The following CACNA1B variants were observed in gnomAD, a reference collection of about 807,000 sequenced individuals.
The protein encoded by CACNA1B is voltage-dependent N-type calcium channel subunit alpha-1B.
A neutral mutation model predicts 247.2 loss-of-function variants in CACNA1B; 70 were observed. That is an observed-to-expected ratio of 0.28 (90% CI 0.23 to 0.35). The LOEUF (loss-of-function observed/expected upper bound fraction) is 0.35, where lower values mean the gene tolerates loss of function less well. Ranked by LOEUF, CACNA1B falls within the 10% of genes least tolerant of loss-of-function variation. The pLI is 1.00. For missense variants in CACNA1B, 2,367 were observed against 3,197.4 expected (o/e 0.74, Z 6.26); for synonymous variants, 1,231 against 1,294.4 (o/e 0.95, Z 1.05).
At chr9:137,915,359 A>G (rs1267091351) in intron 5 of CACNA1B, among the ~76,000 whole-genome samples, 1 of 152,198 alleles carries the variant, frequency 6.6e-6, no homozygotes, top group Non-Finnish European at 1.5e-5. Context: ...AATCCAGCAG[A>G]GGTGATGGTG....
intron 36 of CACNA1B, among the ~76,000 whole-genome samples, chr9:138,085,743 G>A (rs1960673017): frequency 6.6e-6 from 1 of 151,294 alleles, no homozygotes; most frequent in Non-Finnish European, 1.5e-5. Flanking sequence ...TATATTCAGA[G>A]TGGTAAAAGG....
intron 6 of CACNA1B, among the ~76,000 whole-genome samples, chr9:137,946,062 C>T (rs757591941): frequency 1.2e-4 from 19 of 152,148 alleles, no homozygotes; most frequent in Non-Finnish European, 2.6e-4. Context: ...CCTCGTGATC[C>T]ACCTGCCTTG....
rs1957385222 is a variant in CACNA1B, at chr9:137,914,034, G to A, written c.623-620G>A. Among the ~76,000 whole-genome samples the A allele has an allele frequency of 6.6e-6, 1 of 152,148 alleles. No individual in the cohort carries two copies. The highest frequency in any genetic ancestry group is 6.5e-5 in the Admixed American group (1 of 15,282). On this transcript the variant is annotated intron_variant, in intron 4 of 46. Coordinates refer to ENST00000371372, the MANE Select transcript of CACNA1B (RefSeq NM_000718.4). The surrounding 1 kb of genome is among the most constrained non-coding windows in gnomAD (Gnocchi z 4.3). ...GTTCCTCACATGCTGTATGGCCAGT[G>A]GCAGAACATTCCCAGGGGCAGGTCT...
chr9:138,075,092 A>G (rs1274301750), intron 34 of CACNA1B, among the ~76,000 whole-genome samples: 5 of 152,264 alleles, frequency 3.3e-5, no homozygotes, highest in Admixed American at 1.3e-4. Context: ...CAGGGACGGA[A>G]GAGGGACCCG....
rs913841891 is a variant in CACNA1B, at chr9:137,882,271, C to G, written c.391-473C>G. Reference sequence around the variant, plus strand: ...CTGGCTCCTGGGCATCTCTGTGCCTCTGTCTCCCACATGTTAGAATGGGGA... The same window carrying G: ...CTGGCTCCTGGGCATCTCTGTGCCTGTGTCTCCCACATGTTAGAATGGGGA... On this transcript the variant is annotated intron_variant, in intron 2 of 46. Transcript: ENST00000371372. The surrounding 1 kb of genome is among the most constrained non-coding windows in gnomAD (Gnocchi z 4.0). Among the ~76,000 whole-genome samples the G allele has an allele frequency of 5.3e-5, 8 of 152,334 alleles. 1 individual carries two copies. In the South Asian group the frequency reaches 1.2e-3, roughly 24 times the overall value.
In CACNA1B at chr9:137,891,975, A is replaced by G. The variant is rs1564876561; in HGVS notation, c.530+9092A>G. The G allele has an allele frequency of 4.5e-6, 2 of 448,948 alleles. No individual in the cohort carries two copies. Among genetic ancestry groups the G allele is most frequent in the Middle Eastern group, 3.3e-4 (1 of 3,022 alleles). The allele number at this position is 448,948 out of a possible 1,614,324, so 27.8% of individuals were successfully genotyped here. A position where few individuals can be genotyped will look rare whatever the true frequency, so the allele number is the denominator to read the frequency against. ...CACCCTCCCTGTCTCCCCTGAGAGCACAGGAGCCTGGTGAAAAGGGCCTTG... is the reference window on the plus strand; with the variant it reads ...CACCCTCCCTGTCTCCCCTGAGAGCGCAGGAGCCTGGTGAAAAGGGCCTTG... On this transcript the variant is annotated intron_variant, in intron 3 of 46. Transcript: ENST00000371372. The surrounding 1 kb of genome is among the most constrained non-coding windows in gnomAD (Gnocchi z 4.3).
chr9:137,955,161 G>A lies in CACNA1B; in HGVS notation c.1071-537G>A, dbSNP rs1957932418. On this transcript the variant is annotated intron_variant, in intron 7 of 46. Coordinates refer to ENST00000371372, the MANE Select transcript of CACNA1B (RefSeq NM_000718.4). This position sits in a 1 kb window ranked among gnomAD's most constrained non-coding sequence, Gnocchi z 6.9. ...GTGGACTCTGCGGTATTACCCTTCT[G>A]CCTCTGGCCTGCCCTGACCCAGTCC... 6.6e-6 allele frequency among the ~76,000 whole-genome samples: 1 copy of A among 152,110 alleles called. No individual in the cohort carries two copies. The highest frequency in any genetic ancestry group is 2.4e-5 in the African/African-American group (1 of 41,414).
chr9:138,078,226 T>G lies in CACNA1B; in HGVS notation c.5062T>G (p.Phe1688Val). 1 of 1,614,006 alleles carries G rather than the reference T, an allele frequency of 6.2e-7. No individual in the cohort carries two copies. Among genetic ancestry groups the G allele is most frequent in the Non-Finnish European group, 8.5e-7 (1 of 1,179,862 alleles). Reference protein sequence around the residue: ...ECGSDFAYFYFVSFIFLCSFL... With the variant: ...ECGSDFAYFYVVSFIFLCSFL... ...TGGAAGTGACTTTGCCTACTTCTAC[T>G]TCGTCTCCTTCATCTTCCTGTGCTC... is the stretch of plus-strand genomic sequence containing the variant. Residue 1688 changes from phenylalanine (F) to valine (V), a missense_variant, in exon 36 of 47, where the codon TTC becomes GTC. Phe to Val is a conservative substitution (Grantham distance 50, BLOSUM62 -1). This residue lies in a region of CACNA1B where 436 missense variants were observed against 679.5 expected (regional missense o/e 0.64). Transcript: ENST00000371372.
At chr9:137,960,703 A>G (rs1958011381) in intron 10 of CACNA1B, among the ~76,000 whole-genome samples, 1 of 151,980 alleles carries the variant, frequency 6.6e-6, no homozygotes, top group African/African-American at 2.4e-5. Flanking sequence ...GGCTGTCGGT[A>G]GCGGTCGAGG....
chr9:137,949,282 GTT>G, intron 6 of CACNA1B, among the ~76,000 whole-genome samples: 4 of 5,712 alleles, frequency 7.0e-4, no homozygotes, highest in East Asian at 3.9e-3. Context: ...TGGTGTGTGT[GTT>G]TGCGTGTCCT....
chr9:138,010,726 ATG>A lies in CACNA1B; in HGVS notation c.2160+653_2160+654del, dbSNP rs1035109516. Among the ~76,000 whole-genome samples, 8 of 152,048 alleles carry A rather than the reference ATG, an allele frequency of 5.3e-5. No homozygotes were observed. Among genetic ancestry groups the A allele is most frequent in the Non-Finnish European group, 1.2e-4 (8 of 68,006 alleles). ...AGTGTGTACCTGTGTGTCACCATGTATGTGTCACTGTGTGCCCTCTTCTGCCT... is the reference window on the plus strand; with the variant it reads ...AGTGTGTACCTGTGTGTCACCATGTATGTCACTGTGTGCCCTCTTCTGCCT... On this transcript the variant is annotated intron_variant, in intron 17 of 46. Coordinates refer to ENST00000371372, the MANE Select transcript of CACNA1B (RefSeq NM_000718.4). The surrounding 1 kb of genome is among the most constrained non-coding windows in gnomAD (Gnocchi z 5.3).
chr9:138,061,057 G>A (rs1462450653), intron 31 of CACNA1B, among the ~76,000 whole-genome samples: 1 of 152,218 alleles, frequency 6.6e-6, no homozygotes, highest in African/African-American at 2.4e-5. Flanking sequence ...CCTGGCTGCC[G>A]TGGTAATCCA....
chr9:138,071,466 A>C (rs924735467), intron 32 of CACNA1B, among the ~76,000 whole-genome samples: 1 of 152,160 alleles, frequency 6.6e-6, no homozygotes, highest in Admixed American at 6.5e-5. Context: ...TCCTGCATGC[A>C]GCTGGCATGG....
chr9:137,934,096 G>A (rs1226865715), intron 6 of CACNA1B, among the ~76,000 whole-genome samples: 2 of 152,168 alleles, frequency 1.3e-5, no homozygotes, highest in Middle Eastern at 3.2e-3. Context: ...CTTACGATAA[G>A]TATGCAACAA....
At chr9:138,006,929 C>T (rs1233509610) in intron 16 of CACNA1B, 45 bp downstream of exon 16, 10 of 1,014,858 alleles carry the variant, frequency 9.9e-6, no homozygotes, top group African/African-American at 1.6e-5. Flanking sequence ...AGTGCTTGGC[C>T]CTCCTCTTCT....
At chr9:138,042,594 T>C (rs978968861) in intron 20 of CACNA1B, among the ~76,000 whole-genome samples, 10 of 152,222 alleles carry the variant, frequency 6.6e-5, no homozygotes, top group African/African-American at 2.4e-4. Context: ...CCAGATTGCT[T>C]TCTCAGATTA....
intron 6 of CACNA1B, among the ~76,000 whole-genome samples, chr9:137,926,923 T>C (rs1022565937): frequency 6.6e-6 from 1 of 152,222 alleles, no homozygotes; most frequent in Non-Finnish European, 1.5e-5. Context: ...ATTCTCTGTA[T>C]ATTCTGAGTA....
chr9:138,052,416 G>A lies in CACNA1B; in HGVS notation c.3807+228G>A, dbSNP rs192767270. Among the ~76,000 whole-genome samples the A allele has an allele frequency of 1.9e-3, 290 of 152,234 alleles. 1 individual carries two copies. The highest frequency in any genetic ancestry group is 5.6e-3 in the African/African-American group (231 of 41,540). ...CCTCCTTAGCCCAGCAGGACCAGGC[G>A]GCACAGGGTTTTTCTTCAGCAGCTG... On this transcript the variant is annotated intron_variant, in intron 25 of 46. Transcript: ENST00000371372. The surrounding 1 kb of genome is among the most constrained non-coding windows in gnomAD (Gnocchi z 5.1).
In CACNA1B at chr9:137,888,126, G is replaced by A. The variant is rs1207326752; in HGVS notation, c.530+5243G>A. ...ACGGTAGGGAAGGAGAGTGGGAGCC[G>A]GAAGCAGTGATCCAGGTGGGAGTGG... On this transcript the variant is annotated intron_variant, in intron 3 of 46. Coordinates refer to ENST00000371372, the MANE Select transcript of CACNA1B (RefSeq NM_000718.4). The surrounding 1 kb of genome is among the most constrained non-coding windows in gnomAD (Gnocchi z 4.7). 7.2e-5 allele frequency among the ~76,000 whole-genome samples: 11 copies of A among 151,944 alleles called. No homozygotes were observed. The highest frequency in any genetic ancestry group is 9.7e-5 in the African/African-American group (4 of 41,446).
Sources: gnomAD v4.1 joint callset for allele counts (sites outside exome capture counted in the v4.1 genomes callset) on GRCh38, gnomAD v4.1.1 for gene constraint, gnomAD v4.1.1 regional missense constraint, Gnocchi (gnomAD v3.1) non-coding constraint, MANE v1.5 for transcripts, NCBI Gene and HGNC (gene_info 2026-07-23, HGNC 2026-07-21) for gene names.